LTAP1: variants seen among roughly 807,000 people sequenced by gnomAD.
LTAP1 encodes the protein HCV NS5A-transactivated protein 4.
At chr1:154,209,847 C>CT in the LTAP1 span, among the ~76,000 whole-genome samples, 3 of 152,024 alleles carry the variant, frequency 2.0e-5, no homozygotes, top group African/African-American at 7.2e-5. Context: ...GCCTCGGCCT[C>CT]TCCAAGTGTT....
the LTAP1 span, chr1:154,213,797 G>C: frequency 1.0e-6 from 1 of 993,590 alleles, no homozygotes; most frequent in South Asian, 1.5e-5. Context: ...GGGATGTGCA[G>C]AAAGGACAAA....
At chr1:154,210,287 C>A in the LTAP1 span, among the ~76,000 whole-genome samples, 3 of 152,208 alleles carry the variant, frequency 2.0e-5, no homozygotes, top group Middle Eastern at 3.4e-3. Flanking sequence ...GATCCGCCCA[C>A]CTTGGCCTCC....
chr1:154,213,783 G>A, the LTAP1 span: 35 of 817,828 alleles, frequency 4.3e-5, no homozygotes, highest in Non-Finnish European at 6.9e-5. Context: ...TTTCCTACTA[G>A]CCAGGGATGT....
chr1:154,209,895 TTTTTA>T, the LTAP1 span, among the ~76,000 whole-genome samples: 3 of 151,872 alleles, frequency 2.0e-5, no homozygotes, highest in African/African-American at 7.3e-5. Flanking sequence ...TGGCCTAATT[TTTTTA>T]TTTTTAGTAG....
the LTAP1 span, chr1:154,220,043 G>A: frequency 1.9e-6 from 2 of 1,047,806 alleles, no homozygotes; most frequent in Middle Eastern, 2.5e-4. Context: ...CGGCTCTCAG[G>A]AATGTTTCAG....
chr1:154,216,010 T>C, the LTAP1 span, among the ~76,000 whole-genome samples: 1 of 150,482 alleles, frequency 6.6e-6, no homozygotes, highest in East Asian at 2.0e-4. Context: ...GCTAATTTTT[T>C]GTATTTTTAG....
chr1:154,210,107 C>G, the LTAP1 span, among the ~76,000 whole-genome samples: 1 of 151,602 alleles, frequency 6.6e-6, no homozygotes, highest in Non-Finnish European at 1.5e-5. Context: ...GGCACAATCT[C>G]GGCTCACTGC....
the LTAP1 span, chr1:154,211,705 A>G: frequency 6.5e-6 from 1 of 152,722 alleles, no homozygotes; most frequent in African/African-American, 2.4e-5. Flanking sequence ...AAGAGAAGGA[A>G]TCCCTGTGTG....
the LTAP1 span, among the ~76,000 whole-genome samples, chr1:154,215,010 A>C: frequency 6.6e-6 from 1 of 151,814 alleles, no homozygotes; most frequent in South Asian, 2.1e-4. Context: ...ATGTCTGGCT[A>C]ATTTTTCTAT....
the LTAP1 span, among the ~76,000 whole-genome samples, chr1:154,219,424 T>G: frequency 6.6e-6 from 1 of 152,310 alleles, no homozygotes; most frequent in South Asian, 2.1e-4. Context: ...ATGGTGGAAT[T>G]AGATGATTTA....
the LTAP1 span, among the ~76,000 whole-genome samples, chr1:154,218,737 T>C: frequency 6.6e-6 from 1 of 152,140 alleles, no homozygotes; most frequent in East Asian, 1.9e-4. Context: ...CCTGGCTTTA[T>C]AGTCGTGAAC....
At chr1:154,209,318 T>C in the LTAP1 span, among the ~76,000 whole-genome samples, 3 of 152,156 alleles carry the variant, frequency 2.0e-5, no homozygotes, top group Admixed American at 2.0e-4. Flanking sequence ...CATCTAGTAT[T>C]TATCTTTCAA....
chr1:154,207,918 T>C, the LTAP1 span, among the ~76,000 whole-genome samples: 14 of 152,064 alleles, frequency 9.2e-5, no homozygotes, highest in African/African-American at 3.1e-4. Context: ...CTGGCCAACA[T>C]GGTGAAACCC....
chr1:154,220,325 TG>T, the LTAP1 span: 4 of 1,613,776 alleles, frequency 2.5e-6, no homozygotes, highest in Admixed American at 6.7e-5. Flanking sequence ...AGGAATGGGG[TG>T]GGGTAATCTC....
the LTAP1 span, chr1:154,212,756 G>T: frequency 1.1e-6 from 1 of 926,958 alleles, no homozygotes; most frequent in Non-Finnish European, 1.6e-6. Context: ...CCACCTCCTA[G>T]GTTTGAGCAA....
chr1:154,212,370 G>A, the LTAP1 span: 1 of 1,614,070 alleles, frequency 6.2e-7, no homozygotes, highest in Non-Finnish European at 8.5e-7. Context: ...ACTCATTCTG[G>A]CCAAAGACCT....
At chr1:154,216,195 A>C in the LTAP1 span, among the ~76,000 whole-genome samples, 4 of 151,944 alleles carry the variant, frequency 2.6e-5, no homozygotes, top group Non-Finnish European at 4.4e-5. Context: ...CGCACCCCAA[A>C]CCTTAACTTG....
At chr1:154,216,953 A>ATT in the LTAP1 span, among the ~76,000 whole-genome samples, 1 of 143,110 alleles carries the variant, frequency 7.0e-6, no homozygotes, top group Non-Finnish European at 1.5e-5. Flanking sequence ...CTGGCCTTAA[A>ATT]TTTTTTTTTT....
chr1:154,219,771 G>A, the LTAP1 span: 5 of 1,187,348 alleles, frequency 4.2e-6, no homozygotes, highest in South Asian at 2.8e-5. Context: ...AAAGGCAGAG[G>A]AAATCTCATT....
Sources: allele counts gnomAD v4.1 joint callset (sites outside exome capture counted in the v4.1 genomes callset), GRCh38; gene constraint gnomAD v4.1.1; transcripts MANE v1.5; gene names NCBI Gene and HGNC (gene_info 2026-07-23, HGNC 2026-07-21).